FTO: variants seen among roughly 807,000 people sequenced by gnomAD.
The protein encoded by FTO is alpha-ketoglutarate-dependent dioxygenase FTO.
A neutral mutation model predicts 63.9 loss-of-function variants in FTO; 47 were observed. The observed-to-expected ratio is 0.74, with a 90% CI of 0.58 to 0.94. The LOEUF is 0.94. FTO is among the 40% of genes least tolerant of loss of function. FTO has a pLI of 0.00. For missense variants in FTO, 562 were observed against 618.1 expected (o/e 0.91, Z 0.96); for synonymous variants, 207 against 224.4 (o/e 0.92, Z 0.69).
chr16:54,037,040 G>A (rs74019564), intron 8 of FTO, among the ~76,000 whole-genome samples: 3,413 of 152,218 alleles, frequency 0.022, 142 homozygotes, highest in African/African-American at 0.078. Flanking sequence ...TTTGGGCCAC[G>A]TGACCAAAAA....
chr16:53,959,130 C>T (rs2083005180), intron 8 of FTO, among the ~76,000 whole-genome samples: 1 of 152,148 alleles, frequency 6.6e-6, no homozygotes, highest in Non-Finnish European at 1.5e-5. Context: ...TTTATTATCT[C>T]TAATTTTAAG....
At chr16:54,031,542 G>A (rs1326128362) in intron 8 of FTO, among the ~76,000 whole-genome samples, 1 of 152,164 alleles carries the variant, frequency 6.6e-6, no homozygotes, top group Non-Finnish European at 1.5e-5. Flanking sequence ...GGCTTACAGA[G>A]CTGGTGAGTC....
chr16:53,707,185 C>T (rs2075644525), intron 1 of FTO, among the ~76,000 whole-genome samples: 2 of 152,192 alleles, frequency 1.3e-5, no homozygotes. Flanking sequence ...TAGGGCCATA[C>T]TCCCTTTGAA....
intron 7 of FTO, among the ~76,000 whole-genome samples, chr16:53,908,755 A>T (rs1356190190): frequency 1.3e-5 from 2 of 152,174 alleles, no homozygotes; most frequent in Admixed American, 1.3e-4. Context: ...CTGAAGGGCC[A>T]GGAGGTTTTC....
At chr16:53,963,559 G>A (rs2083129799) in intron 8 of FTO, among the ~76,000 whole-genome samples, 1 of 152,144 alleles carries the variant, frequency 6.6e-6, no homozygotes, top group Non-Finnish European at 1.5e-5. Context: ...TGTGTAGTGA[G>A]TGAGCCCTTG....
intron 2 of FTO, among the ~76,000 whole-genome samples, chr16:53,824,440 A>G (rs1330812295): frequency 1.3e-5 from 2 of 152,164 alleles, no homozygotes; most frequent in Non-Finnish European, 2.9e-5. Context: ...GTCTCCTTAG[A>G]GAATTCTTCC....
intron 7 of FTO, among the ~76,000 whole-genome samples, chr16:53,931,055 C>T (rs1213539677): frequency 1.3e-5 from 2 of 152,122 alleles, no homozygotes; most frequent in East Asian, 3.9e-4. Flanking sequence ...TACATCCTTC[C>T]CCTCTTAGAG....
intron 7 of FTO, among the ~76,000 whole-genome samples, chr16:53,905,670 T>C (rs1014210856): frequency 6.6e-6 from 1 of 152,162 alleles, no homozygotes; most frequent in East Asian, 1.9e-4. Context: ...CTGAGAGTAT[T>C]TATCACTGTC....
chr16:53,796,608 A>G (rs1027097752), intron 1 of FTO, among the ~76,000 whole-genome samples: 1 of 152,202 alleles, frequency 6.6e-6, no homozygotes, highest in East Asian at 1.9e-4. Flanking sequence ...GATGAAGTTG[A>G]TACATACCTA....
At chr16:53,758,441 G>T (rs2076974290) in intron 1 of FTO, among the ~76,000 whole-genome samples, 2 of 152,152 alleles carry the variant, frequency 1.3e-5, no homozygotes, top group Non-Finnish European at 2.9e-5. Flanking sequence ...TGTAACCAGG[G>T]AAGGATACAT....
At chr16:53,929,585 A>G (rs1422163793) in intron 7 of FTO, among the ~76,000 whole-genome samples, 1 of 152,258 alleles carries the variant, frequency 6.6e-6, no homozygotes. Context: ...GTCATATGCT[A>G]AACGTATGTT....
At chr16:53,888,548 G>GA (rs1196956304) in intron 6 of FTO, among the ~76,000 whole-genome samples, 1 of 151,992 alleles carries the variant, frequency 6.6e-6, no homozygotes, top group Admixed American at 6.6e-5. Context: ...TTAAACTCCT[G>GA]GCCTCAAGAG....
chr16:54,102,288 C>T (rs955979369), intron 8 of FTO, among the ~76,000 whole-genome samples: 1 of 152,176 alleles, frequency 6.6e-6, no homozygotes, highest in Admixed American at 6.5e-5. Context: ...ATAACAAGAG[C>T]AGGGGAGCTC....
intron 2 of FTO, among the ~76,000 whole-genome samples, chr16:53,822,280 T>G (rs2078887416): frequency 6.6e-6 from 1 of 152,228 alleles, no homozygotes; most frequent in South Asian, 2.1e-4. Flanking sequence ...CTACTATTAT[T>G]ACATTTATCA....
chr16:53,874,203 G>C (rs2080583386), intron 5 of FTO, among the ~76,000 whole-genome samples: 1 of 152,186 alleles, frequency 6.6e-6, no homozygotes, highest in African/African-American at 2.4e-5. Flanking sequence ...AATTGGGGCA[G>C]ATTTTTATGC....
At chr16:53,958,798 G>T (rs1437876941) in intron 8 of FTO, among the ~76,000 whole-genome samples, 1 of 152,134 alleles carries the variant, frequency 6.6e-6, no homozygotes, top group Non-Finnish European at 1.5e-5. Flanking sequence ...TGACATCTAG[G>T]CCGGTGGATT....
At chr16:53,959,536 C>T (rs2083018027) in intron 8 of FTO, among the ~76,000 whole-genome samples, 1 of 151,682 alleles carries the variant, frequency 6.6e-6, no homozygotes, top group African/African-American at 2.4e-5. Context: ...TTATTATTGT[C>T]ATTATAACTG....
At chr16:53,985,045 G>A (rs2083634394) in intron 8 of FTO, 2 of 454,372 alleles carry the variant, frequency 4.4e-6, no homozygotes, top group Non-Finnish European at 8.9e-6. Flanking sequence ...TTAATTTCTG[G>A]CCTCTGGCAA....
At chr16:54,022,984 T>C (rs1246108601) in intron 8 of FTO, among the ~76,000 whole-genome samples, 2 of 152,262 alleles carry the variant, frequency 1.3e-5, no homozygotes, top group African/African-American at 4.8e-5. Context: ...GAAATGCTAA[T>C]GCAGTAAGCC....
Sources: gnomAD v4.1 joint callset for allele counts (sites outside exome capture counted in the v4.1 genomes callset) on GRCh38, gnomAD v4.1.1 for gene constraint, MANE v1.5 for transcripts, NCBI Gene and HGNC (gene_info 2026-07-23, HGNC 2026-07-21) for gene names.